Variants in NAALADL2 observed in about 807,000 individuals in gnomAD.
NAALADL2 encodes N-acetylated alpha-linked acidic dipeptidase like 2.
Under a neutral mutation model 87.2 loss-of-function variants are expected in NAALADL2, and 76 were observed. The ratio of observed to expected loss-of-function variants is 0.87; its 90% CI spans 0.72 to 1.05. The LOEUF (loss-of-function observed/expected upper bound fraction) is 1.05. Ranked by LOEUF, NAALADL2 falls within the 50% of genes least tolerant of loss-of-function variation. The probability of loss-of-function intolerance (pLI) is 0.00; values close to 1 mark genes in which losing one functional copy is unlikely to be tolerated. For missense variants in NAALADL2, 1,089 were observed against 945.8 expected, an observed-to-expected ratio of 1.15 and a Z score of -1.99; for synonymous variants, 354 against 331.0, an observed-to-expected ratio of 1.07 and a Z score of -0.75.
intron 1 of NAALADL2, among the ~76,000 whole-genome samples, chr3:175,028,578 T>G (rs1235346879): frequency 6.6e-6 from 1 of 152,062 alleles, no homozygotes; most frequent in East Asian, 1.9e-4. Context: ...TTCATGACCA[T>G]TTTTACCTCA....
chr3:175,110,639 A>G (rs1046995465), intron 2 of NAALADL2, among the ~76,000 whole-genome samples: 21 of 151,908 alleles, frequency 1.4e-4, no homozygotes, highest in Admixed American at 6.6e-5. Context: ...GCTGATAGTA[A>G]TTTTCATTTC....
At chr3:174,901,417 A>T (rs1311655884) in intron 1 of NAALADL2, among the ~76,000 whole-genome samples, 4 of 152,170 alleles carry the variant, frequency 2.6e-5, no homozygotes, top group Non-Finnish European at 5.9e-5. Flanking sequence ...AAAGATACGA[A>T]GGTGATTAAC....
intron 1 of NAALADL2, among the ~76,000 whole-genome samples, chr3:175,022,786 A>C (rs2108871053): frequency 6.6e-6 from 1 of 152,236 alleles, no homozygotes; most frequent in East Asian, 1.9e-4. Context: ...TTACTCGAGA[A>C]AGACTGCTCA....
intron 3 of NAALADL2, among the ~76,000 whole-genome samples, chr3:174,837,235 A>G (rs1723439173): frequency 6.6e-6 from 1 of 152,326 alleles, no homozygotes; most frequent in South Asian, 2.1e-4. Flanking sequence ...AATACAATTG[A>G]TAGACATTAG....
chr3:175,128,884 A>G (rs1225200792), intron 2 of NAALADL2, among the ~76,000 whole-genome samples: 1 of 152,066 alleles, frequency 6.6e-6, no homozygotes, highest in African/African-American at 2.4e-5. Flanking sequence ...GATGTACCAC[A>G]TGATGATTTG....
At chr3:174,527,131 C>G (rs976664641) in intron 1 of NAALADL2, among the ~76,000 whole-genome samples, 1 of 152,090 alleles carries the variant, frequency 6.6e-6, no homozygotes, top group African/African-American at 2.4e-5. Flanking sequence ...TGAAGATGCA[C>G]TTATTCAATA....
intron 10 of NAALADL2, among the ~76,000 whole-genome samples, chr3:175,603,082 G>T (rs988070125): frequency 1.3e-5 from 2 of 152,112 alleles, no homozygotes; most frequent in African/African-American, 2.4e-5. Context: ...TGCAGTAGCA[G>T]CTTCAGTAAC....
chr3:175,652,987 A>G (rs990009541), intron 11 of NAALADL2, among the ~76,000 whole-genome samples: 5 of 152,202 alleles, frequency 3.3e-5, no homozygotes, highest in Non-Finnish European at 5.9e-5. Flanking sequence ...CATATTTTGT[A>G]TGTTATATGT....
chr3:175,692,719 A>G (rs555517377), intron 11 of NAALADL2, among the ~76,000 whole-genome samples: 3 of 152,144 alleles, frequency 2.0e-5, no homozygotes, highest in Non-Finnish European at 4.4e-5. Flanking sequence ...TGAGAACTTG[A>G]AGATAAAGTG....
At chr3:175,670,356 TTAC>T (rs1399163898) in intron 11 of NAALADL2, among the ~76,000 whole-genome samples, 2 of 149,394 alleles carry the variant, frequency 1.3e-5, no homozygotes, top group African/African-American at 2.5e-5. Flanking sequence ...GACTTTCACT[TTAC>T]TTTTTGTATT....
intron 3 of NAALADL2, among the ~76,000 whole-genome samples, chr3:175,249,654 T>A (rs910781699): frequency 1.3e-5 from 2 of 152,196 alleles, no homozygotes; most frequent in African/African-American, 4.8e-5. Context: ...CAAGTAGTTT[T>A]GTTCCTCCCA....
At chr3:175,528,884 A>G (rs187385096) in intron 9 of NAALADL2, among the ~76,000 whole-genome samples, 8 of 152,226 alleles carry the variant, frequency 5.3e-5, no homozygotes, top group Non-Finnish European at 1.2e-4. Context: ...ACTCATGACA[A>G]TTACCATCCT....
At chr3:174,859,250 G>A (rs1726177822), upstream of NAALADL2, 7 of 616,360 alleles carry the variant, frequency 1.1e-5, no homozygotes, top group African/African-American at 1.8e-5. Flanking sequence ...GGTCCTGCAA[G>A]CCCAGGTAAC....
At chr3:174,916,051 T>G (rs1459082876) in intron 1 of NAALADL2, among the ~76,000 whole-genome samples, 1 of 152,024 alleles carries the variant, frequency 6.6e-6, no homozygotes, top group Non-Finnish European at 1.5e-5. Flanking sequence ...ATGAAAAATA[T>G]GGGCAAAGGA....
At chr3:175,078,103 C>T (rs1716982815) in intron 1 of NAALADL2, among the ~76,000 whole-genome samples, 1 of 151,878 alleles carries the variant, frequency 6.6e-6, no homozygotes, top group South Asian at 2.1e-4. Context: ...CTGATCACTG[C>T]AACCTCTGCC....
chr3:175,517,018 AC>A (rs1273925745), intron 9 of NAALADL2, among the ~76,000 whole-genome samples: 1 of 152,218 alleles, frequency 6.6e-6, no homozygotes, highest in Non-Finnish European at 1.5e-5. Context: ...TTCTTCAAGA[AC>A]AACTCTTCTT....
chr3:175,164,147 GT>G (rs994568162), intron 2 of NAALADL2, among the ~76,000 whole-genome samples: 2 of 151,486 alleles, frequency 1.3e-5, no homozygotes, highest in East Asian at 1.9e-4. Context: ...TCCATTTTTT[GT>G]TTTTTTGACA....
intron 10 of NAALADL2, among the ~76,000 whole-genome samples, chr3:175,605,279 A>G (rs557069941): frequency 6.6e-6 from 1 of 152,270 alleles, no homozygotes; most frequent in Non-Finnish European, 1.5e-5. Context: ...CCTTGAAAGA[A>G]AGTCTGTGGC....
At chr3:175,311,761 A>T (rs1183839302) in intron 4 of NAALADL2, among the ~76,000 whole-genome samples, 3 of 147,652 alleles carry the variant, frequency 2.0e-5, no homozygotes, top group Non-Finnish European at 4.5e-5. Flanking sequence ...TTCCTGAATT[A>T]TGATAAAAGC....
Sources: gnomAD v4.1 joint callset for allele counts (sites outside exome capture counted in the v4.1 genomes callset) on GRCh38, gnomAD v4.1.1 for gene constraint, MANE v1.5 for transcripts, NCBI Gene and HGNC (gene_info 2026-07-23, HGNC 2026-07-21) for gene names.